Variants in RGL4 observed in about 807,000 individuals in gnomAD.
RGL4 encodes ral guanine nucleotide dissociation stimulator like 4.
In RGL4, 41 loss-of-function variants were observed where a neutral mutation model predicts 49.6. That is an observed-to-expected ratio of 0.83 (90% confidence interval 0.64 to 1.07). The LOEUF (loss-of-function observed/expected upper bound fraction) is 1.07. Among genes scored for constraint, RGL4 ranks in the 50% least tolerant of loss-of-function variants. The pLI is 0.00. For synonymous variants in RGL4, 255 were observed against 238.0 expected, an observed-to-expected ratio of 1.07 and a Z score of -0.66; for missense variants, 610 against 591.9, an observed-to-expected ratio of 1.03 and a Z score of -0.32.
At chr22:23,696,932 C>A (rs561837247) in intron 7 of RGL4, among the ~76,000 whole-genome samples, 101 of 152,302 alleles carry the variant, frequency 6.6e-4, no homozygotes, top group African/African-American at 2.1e-3. Context: ...TTGTTAAAAT[C>A]CCACCATAGA....
In RGL4 at chr22:23,691,031, G is replaced by A. The variant is rs991027744; in HGVS notation, c.-1000G>A. 8 of 152,142 alleles carry A rather than the reference G, an allele frequency of 5.3e-5. No homozygotes were observed. Among genetic ancestry groups the A allele is most frequent in the African/African-American group, 9.7e-5 (4 of 41,408 alleles). 9.4% of individuals were successfully genotyped at this position (152,142 alleles called of 1,614,324 possible). A position where few individuals can be genotyped will look rare whatever the true frequency, so the allele number is the denominator to read the frequency against. ...TTGAAGATGCACCTCTCGGAGCCTC[G>A]GTTGGCTCCTCTGGAACAGGGAGTA... On this transcript the variant is annotated 5_prime_UTR_variant, in exon 1 of 11. Transcript: ENST00000290691.
Position 23,694,958 on chromosome 22 carries a change from T to G in RGL4, c.1025T>G (p.Met342Arg), listed in dbSNP as rs2070449. 1 of 1,612,888 alleles carries G rather than the reference T, an allele frequency of 6.2e-7. No homozygotes were observed. Among genetic ancestry groups the G allele is most frequent in the African/African-American group, 1.3e-5 (1 of 74,976 alleles). ...CTTTCCTCTGCCCATAGCAAAAGCATGAAAGAGCTAAAAGAACTCTGCAAA... is the reference window on the plus strand; with the variant it reads ...CTTTCCTCTGCCCATAGCAAAAGCAGGAAAGAGCTAAAAGAACTCTGCAAA... ...KTWAGVSSKSMKELKELCKKD... is the reference protein window; with the variant it reads ...KTWAGVSSKSRKELKELCKKD... The change falls in exon 6 of 11, where the codon ATG becomes AGG. Residue 342 changes from methionine to arginine, a missense_variant. Met to Arg is a moderately conservative substitution (Grantham distance 91). Coordinates refer to ENST00000290691, the MANE Select transcript of RGL4 (RefSeq NM_153615.2).
At position 23,698,883 on chromosome 22, in the gene RGL4, G is replaced by A; in HGVS notation, c.1422G>A (p.Ter474=). 2 of 1,612,896 alleles carry A rather than the reference G, an allele frequency of 1.2e-6. No homozygotes were observed. Among genetic ancestry groups the A allele is most frequent in the Non-Finnish European group, 1.7e-6 (2 of 1,179,574 alleles). The change falls in exon 11 of 11, where the codon TAG becomes TAA. Residue 474 remains the stop codon, a stop_retained_variant. Transcript: ENST00000290691. ...GCCAGCTGGAGCCCGAAAACCCGTA[G>A]GCTGGCAACATCCTGCAGTGGCTGG... The part of the protein sequence containing the change: ...LSCQLEPENP[*]
rs148264582 is a variant in RGL4 at position 23,696,728 on chromosome 22, G to A, written c.1161+40G>A. 3.7e-5 allele frequency: 58 copies of A among 1,572,346 alleles called. 1 individual carries two copies. The African/African-American group carries it at 6.6e-4, about 18-fold the overall frequency. On this transcript the variant is annotated intron_variant, in intron 7 of 10. Coordinates refer to ENST00000290691, the MANE Select transcript of RGL4 (RefSeq NM_153615.2). The stretch of plus-strand genomic sequence containing the variant: ...GGCATGGACGGGCCGCAGGGGATCA[G>A]AGGACAGGGCTCCCTTCCCCGCCAG...
At chr22:23,695,469 C>CTGCTGCTGT in intron 6 of RGL4, 2 of 603,624 alleles carry the variant, frequency 3.3e-6, no homozygotes, top group Non-Finnish European at 5.5e-6. Flanking sequence ...GCTGCTGCTG[C>CTGCTGCTGT]TGCTGCTGTC....
chr22:23,692,723 C>G lies in RGL4; in HGVS notation c.428C>G (p.Ala143Gly). ...HALTMPALEP[A>G]PPLLADLGPA... is the part of the protein sequence containing the mutation. ...TTAACAATGCCGGCCCTGGAGCCAG[C>G]ACCACCACTGCTGGCGGACCTGGGG... The change falls in exon 3 of 11, where the codon GCA becomes GGA. Residue 143 changes from alanine (A) to glycine (G), a missense_variant. By Grantham distance (60) the Ala-to-Gly change is moderately conservative. Transcript: ENST00000290691. The G allele has an allele frequency of 1.2e-6, 2 of 1,613,060 alleles. No individual in the cohort carries two copies. Among genetic ancestry groups the G allele is most frequent in the Middle Eastern group, 1.7e-4 (1 of 6,042 alleles).
intron 7 of RGL4, 81 bp from the exon 8 acceptor site, chr22:23,697,065 AGACAGGGGCTGATGGGATTTCATGG>A: frequency 1.2e-6 from 1 of 857,796 alleles, no homozygotes; most frequent in Non-Finnish European, 1.9e-6. Context: ...GGGCTCTGGG[AGACAGGGGCTGATGGGATTTCATGG>A]GACAGGACCT....
chr22:23,694,693 A>C (rs1388110564), intron 5 of RGL4: 1 of 594,738 alleles, frequency 1.7e-6, no homozygotes, highest in Admixed American at 2.9e-5. Context: ...AGGTGTTTGT[A>C]CCCAGCAGTG....
chr22:23,695,921 C>T (rs1036821437), intron 6 of RGL4, among the ~76,000 whole-genome samples: 11 of 152,144 alleles, frequency 7.2e-5, no homozygotes, highest in Admixed American at 2.6e-4. Flanking sequence ...GGATCATTGG[C>T]GAGGCGAAGC....
At chr22:23,695,919 G>A (rs1380072055) in intron 6 of RGL4, among the ~76,000 whole-genome samples, 8 of 152,242 alleles carry the variant, frequency 5.3e-5, no homozygotes, top group Admixed American at 3.9e-4. Context: ...GGGGATCATT[G>A]GCGAGGCGAA....
chr22:23,693,161 G>C lies in RGL4; in HGVS notation c.696+170G>C, dbSNP rs974486815. The C allele has an allele frequency of 5.3e-5, 63 of 1,178,460 alleles. No homozygotes were observed. The East Asian group carries it at 1.6e-3, about 30-fold the overall frequency. 73.0% of individuals were successfully genotyped at this position (1,178,460 alleles called of 1,614,324 possible). ...AGCCTTCCCTGTCTGCATGTGGACG[G>C]CAGAGATGGGACATCACCAGCGCCA... On this transcript the variant is annotated intron_variant, in intron 3 of 10. Transcript: ENST00000290691.
chr22:23,693,410 C>T (rs1002804458), intron 3 of RGL4, among the ~76,000 whole-genome samples: 5 of 152,148 alleles, frequency 3.3e-5, no homozygotes, highest in South Asian at 2.1e-4. Context: ...TGCACCGGTA[C>T]GGAGAGGAGT....
intron 5 of RGL4, chr22:23,694,668 C>T: frequency 1.7e-6 from 1 of 596,712 alleles, no homozygotes; most frequent in Non-Finnish European, 3.0e-6. Flanking sequence ...AGACTGGAGC[C>T]AACTGGAGGC....
chr22:23,698,735 C>A (rs1028654324), intron 10 of RGL4, 109 bp from the exon 11 acceptor site: 1 of 1,352,006 alleles, frequency 7.4e-7, no homozygotes, highest in Non-Finnish European at 1.0e-6. Flanking sequence ...AGCATCAAGC[C>A]CTGTTGCATG....
At chr22:23,698,175 A>T in intron 9 of RGL4, 37 bp from the exon 10 acceptor site, 1 of 1,583,840 alleles carries the variant, frequency 6.3e-7, no homozygotes, top group Non-Finnish European at 8.6e-7. Context: ...AGCAACTTCC[A>T]CCCAGGCCCT....
chr22:23,692,563 G>A (rs1173602368), intron 2 of RGL4, 35 bp downstream of exon 2: 1 of 1,594,862 alleles, frequency 6.3e-7, no homozygotes, highest in Non-Finnish European at 8.6e-7. Context: ...ACTTTCCGGG[G>A]GTGGTGTTTT....
chr22:23,697,332 C>G, intron 8 of RGL4, 87 bp downstream of exon 8: 1 of 1,089,392 alleles, frequency 9.2e-7, no homozygotes, highest in Admixed American at 2.0e-5. Flanking sequence ...TAGATCTCAG[C>G]CCTTGGCAAA....
chr22:23,695,176 G>A, intron 6 of RGL4, 157 bp downstream of exon 6: 1 of 576,348 alleles, frequency 1.7e-6, no homozygotes, highest in Non-Finnish European at 3.2e-6. Flanking sequence ...TGCCTACCTT[G>A]GGCCAACAGG....
intron 10 of RGL4, chr22:23,698,622 C>A: frequency 1.4e-6 from 1 of 738,190 alleles, no homozygotes; most frequent in Non-Finnish European, 2.4e-6. Context: ...CCCACCTCAG[C>A]CTCCCAAAGT....
Sources: gnomAD v4.1 joint callset for allele counts (sites outside exome capture counted in the v4.1 genomes callset) on GRCh38, gnomAD v4.1.1 for gene constraint, MANE v1.5 for transcripts, NCBI Gene and HGNC (gene_info 2026-07-23, HGNC 2026-07-21) for gene names.